The following SVEP1 variants were observed in gnomAD, a reference collection of about 807,000 sequenced individuals.
SVEP1 encodes the protein sushi, von Willebrand factor type A, EGF and pentraxin domain-containing protein 1.
In SVEP1, 164 loss-of-function variants were observed where a neutral mutation model predicts 367.3. The observed-to-expected ratio is 0.45, with a 90% confidence interval of 0.39 to 0.51. SVEP1 has a LOEUF of 0.51. Among genes scored for constraint, SVEP1 ranks in the 20% least tolerant of loss-of-function variants. SVEP1 has a pLI of 0.00. For missense variants in SVEP1, 4,117 were observed against 4,425.3 expected (o/e 0.93, Z 1.98); for synonymous variants, 1,666 against 1,611.6 (o/e 1.03, Z -0.81).
chr9:110,439,826 T>C (rs1588054086), intron 27 of SVEP1, among the ~76,000 whole-genome samples: 2 of 152,196 alleles, frequency 1.3e-5, no homozygotes, highest in African/African-American at 4.8e-5. Flanking sequence ...ATCCTGGCCA[T>C]CCTTATGCCT....
chr9:110,406,106 T>A, intron 38 of SVEP1, 54 bp downstream of exon 38: 1 of 1,502,340 alleles, frequency 6.7e-7, no homozygotes, highest in Non-Finnish European at 8.9e-7. Context: ...TCGATCACAT[T>A]TCATTTCATA....
chr9:110,492,624 T>C (rs975377981), intron 8 of SVEP1, among the ~76,000 whole-genome samples: 2 of 151,980 alleles, frequency 1.3e-5, no homozygotes, highest in African/African-American at 4.8e-5. Context: ...CATATATATA[T>C]ATATGAAATA....
At position 110,549,866 on chromosome 9, in the gene SVEP1, C is replaced by A. The variant is rs551166153; in HGVS notation, c.770G>T (p.Arg257Leu). Residue 257 changes from arginine to leucine, a missense_variant, in exon 2 of 48, where the codon CGC (arginine) becomes CTC (leucine). Arg to Leu is a moderately radical substitution (Grantham distance 102). Transcript: ENST00000374469. ...HSFEEFEALA[R>L]RALHEDLPSG... ...TCCATTACCTTCATGCAATGCCCGG[C>A]GAGCTAAAGCCTCAAATTCTTCAAA... is the stretch of plus-strand genomic sequence containing the variant. 1 of 1,613,758 alleles carries A rather than the reference C, an allele frequency of 6.2e-7. No homozygotes were observed.
intron 17 of SVEP1, among the ~76,000 whole-genome samples, chr9:110,467,146 T>C (rs1209474314): frequency 6.6e-6 from 1 of 152,228 alleles, no homozygotes; most frequent in African/African-American, 2.4e-5. Context: ...TGAAATTCCT[T>C]ATTTTAGGCA....
At chr9:110,482,135 T>C (rs1829200484) in intron 11 of SVEP1, among the ~76,000 whole-genome samples, 1 of 152,234 alleles carries the variant, frequency 6.6e-6, no homozygotes, top group Non-Finnish European at 1.5e-5. Flanking sequence ...ATTGTAACCT[T>C]AGAGAAAATG....
chr9:110,387,946 T>G (rs1827551986), intron 41 of SVEP1, among the ~76,000 whole-genome samples: 1 of 144,396 alleles, frequency 6.9e-6, no homozygotes, highest in Non-Finnish European at 1.5e-5. Flanking sequence ...ATTTAAATTA[T>G]TTTTCATCTG....
intron 40 of SVEP1, among the ~76,000 whole-genome samples, chr9:110,391,810 G>T (rs146524731): frequency 5.3e-4 from 80 of 152,196 alleles, no homozygotes; most frequent in African/African-American, 1.8e-3. Flanking sequence ...GATGTTTCTG[G>T]ATGAGATTAG....
intron 36 of SVEP1, among the ~76,000 whole-genome samples, chr9:110,412,765 A>G (rs1156307719): frequency 6.6e-6 from 1 of 152,256 alleles, no homozygotes; most frequent in Non-Finnish European, 1.5e-5. Flanking sequence ...GAAGACATTT[A>G]TGCAGCCAAA....
chr9:110,514,092 T>C lies in SVEP1; in HGVS notation c.979A>G (p.Thr327Ala), dbSNP rs762544935. The change falls in exon 4 of 48, where the codon ACA becomes GCA. Residue 327 changes from threonine (T) to alanine (A), a missense_variant. Thr to Ala is a moderately conservative substitution (Grantham distance 58, BLOSUM62 0). Coordinates refer to ENST00000374469, the MANE Select transcript of SVEP1 (RefSeq NM_153366.4). Reference protein sequence around the residue: ...QYECTACPSGTYKPEGSPGGI... With the variant: ...QYECTACPSGAYKPEGSPGGI... ...CCTGGTGAGCCTTCAGGTTTGTATG[T>C]CCCCGATGGGCAAGCTGTGGGCAGA... The C allele has an allele frequency of 6.8e-6, 11 of 1,609,896 alleles. No individual in the cohort carries two copies. Among genetic ancestry groups the C allele is most frequent in the Non-Finnish European group, 9.3e-6 (11 of 1,177,980 alleles).
At chr9:110,424,965 C>T (rs1170157349) in intron 36 of SVEP1, among the ~76,000 whole-genome samples, 2 of 152,202 alleles carry the variant, frequency 1.3e-5, no homozygotes, top group Non-Finnish European at 2.9e-5. Context: ...TGAGCCACCA[C>T]GTCCAGCCTA....
chr9:110,493,971 CCTT>C (rs1222165801), intron 8 of SVEP1, among the ~76,000 whole-genome samples: 2 of 152,098 alleles, frequency 1.3e-5, no homozygotes, highest in Non-Finnish European at 2.9e-5. Context: ...CAGATTGAGT[CCTT>C]CTCTCTGCAC....
Position 110,379,399 on chromosome 9 carries a change from C to T in SVEP1, c.10356G>A (p.Leu3452=). The change falls in exon 44 of 48, where the codon CTG becomes CTA. Residue 3452 remains leucine, a synonymous_variant. Transcript: ENST00000374469. Reference sequence around the variant, plus strand: ...TTCCATTTTCTAAACAAACACTCCTCAGGAAACCCTCCAACATGTATCCAC... The same window carrying T: ...TTCCATTTTCTAAACAAACACTCCTTAGGAAACCCTCCAACATGTATCCAC... The part of the protein sequence containing the change: ...CYSGYMLEGF[L]RSVCLENGTW... The T allele has an allele frequency of 6.2e-7, 1 of 1,613,804 alleles. No individual in the cohort carries two copies. The highest frequency in any genetic ancestry group is 8.5e-7 in the Non-Finnish European group (1 of 1,179,782).
chr9:110,495,504 A>G (rs1363428260), intron 8 of SVEP1, among the ~76,000 whole-genome samples: 2 of 152,212 alleles, frequency 1.3e-5, no homozygotes, highest in Non-Finnish European at 2.9e-5. Context: ...ATTCAGCCCT[A>G]GAAATCACAT....
At chr9:110,392,643 A>C (rs1827682797) in intron 40 of SVEP1, among the ~76,000 whole-genome samples, 1 of 152,214 alleles carries the variant, frequency 6.6e-6, no homozygotes, top group Admixed American at 6.5e-5. Context: ...TTATCTAGTC[A>C]AACAGGTAGC....
chr9:110,498,779 G>T (rs150090790), intron 7 of SVEP1, among the ~76,000 whole-genome samples: 1 of 152,012 alleles, frequency 6.6e-6, no homozygotes, highest in Non-Finnish European at 1.5e-5. Flanking sequence ...AAAGATTTTA[G>T]TCTTATGGAA....
At chr9:110,498,903 A>T in intron 7 of SVEP1, 138 bp downstream of exon 7, 1 of 582,602 alleles carries the variant, frequency 1.7e-6, no homozygotes, top group Admixed American at 4.1e-5. Flanking sequence ...AGAAATCCTC[A>T]TAGAGGATAT....
chr9:110,432,090 A>G (rs1828358967), intron 31 of SVEP1, 56 bp from the exon 32 acceptor site: 1 of 1,535,132 alleles, frequency 6.5e-7, no homozygotes, highest in Non-Finnish European at 8.7e-7. Context: ...GTATGTATCA[A>G]ACATCTGTTT....
chr9:110,562,376 T>G (rs1049513039), intron 1 of SVEP1, among the ~76,000 whole-genome samples: 1 of 152,200 alleles, frequency 6.6e-6, no homozygotes, highest in Non-Finnish European at 1.5e-5. Context: ...CTCTATCATT[T>G]CAGTTGACAT....
chr9:110,476,766 G>T (rs1170681295), intron 13 of SVEP1, among the ~76,000 whole-genome samples: 3 of 151,912 alleles, frequency 2.0e-5, no homozygotes, highest in Admixed American at 2.0e-4. Context: ...CCAATTTTCT[G>T]GAACATCTCC....
Sources: gnomAD v4.1 joint callset for allele counts (sites outside exome capture counted in the v4.1 genomes callset) on GRCh38, gnomAD v4.1.1 for gene constraint, MANE v1.5 for transcripts, NCBI Gene and HGNC (gene_info 2026-07-23, HGNC 2026-07-21) for gene names.